HMCN1: variants seen among roughly 807,000 people sequenced by gnomAD.
HMCN1 encodes hemicentin 1, also known as hemicentin-1.
In HMCN1, 321 loss-of-function variants were observed where a neutral mutation model predicts 625.9. That is an observed-to-expected ratio of 0.51 (90% confidence interval 0.47 to 0.56). The LOEUF (loss-of-function observed/expected upper bound fraction) is 0.56, where lower values mean the gene tolerates loss of function less well. Ranked by LOEUF, HMCN1 falls within the 20% of genes least tolerant of loss-of-function variation. The pLI, the probability that HMCN1 is intolerant of heterozygous loss-of-function variation, is 0.00. For synonymous variants in HMCN1, 2,425 were observed against 2,417.6 expected (o/e 1.00, Z -0.09); for missense variants, 6,588 against 6,887.3 (o/e 0.96, Z 1.54).
chr1:185,780,091 T>C (rs1190831910), intron 1 of HMCN1, among the ~76,000 whole-genome samples: 1 of 152,198 alleles, frequency 6.6e-6, no homozygotes, highest in Non-Finnish European at 1.5e-5. Context: ...TCCTAGATAT[T>C]TTATTCTCTT....
At chr1:185,997,640 T>C (rs1652894058) in intron 25 of HMCN1, 116 bp downstream of exon 25, 1 of 764,282 alleles carries the variant, frequency 1.3e-6, no homozygotes, top group Admixed American at 1.9e-5. Context: ...GTAGAACATT[T>C]GAGCATAATA....
intron 43 of HMCN1, 53 bp downstream of exon 43, chr1:186,053,127 T>C (rs762283613): frequency 1.9e-5 from 29 of 1,487,596 alleles, no homozygotes; most frequent in Non-Finnish European, 2.7e-5. Flanking sequence ...AAGATGGATA[T>C]TGATTTCGTT....
At chr1:186,168,037 G>T (rs997952211) in intron 100 of HMCN1, among the ~76,000 whole-genome samples, 1 of 151,718 alleles carries the variant, frequency 6.6e-6, no homozygotes, top group African/African-American at 2.4e-5. Context: ...GCATCCATGA[G>T]AAAAATCCAG....
chr1:185,974,338 C>T (rs1352130624), intron 15 of HMCN1, among the ~76,000 whole-genome samples: 1 of 152,130 alleles, frequency 6.6e-6, no homozygotes, highest in East Asian at 1.9e-4. Context: ...GTTTATATCT[C>T]AGTGATTATT....
Position 186,076,437 on chromosome 1 carries a change from G to C in HMCN1, c.8300G>C (p.Ser2767Thr). The C allele has an allele frequency of 6.2e-7, 1 of 1,613,396 alleles. No homozygotes were observed. Among genetic ancestry groups the C allele is most frequent in the South Asian group, 1.1e-5 (1 of 91,076 alleles). The change falls in exon 54 of 107, where the codon AGT becomes ACT. Residue 2767 changes from serine (S) to threonine (T), a missense_variant. Ser to Thr is a moderately conservative substitution (Grantham distance 58). Coordinates refer to ENST00000271588, the MANE Select transcript of HMCN1 (RefSeq NM_031935.3). ...TGCCTTTCCTCCATAGTTCCTCCAA[G>C]TTTTCAGAAACTCTGGGAAATAGGA... ...DFDVNIQVPP[S>T]FQKLWEIGNM...
intron 2 of HMCN1, among the ~76,000 whole-genome samples, chr1:185,847,417 C>A (rs537856398): frequency 6.6e-6 from 1 of 152,184 alleles, no homozygotes; most frequent in East Asian, 1.9e-4. Context: ...CTTATTCACT[C>A]TCTTTTAACC....
chr1:185,783,967 G>T (rs1434712288), intron 1 of HMCN1, among the ~76,000 whole-genome samples: 1 of 152,236 alleles, frequency 6.6e-6, no homozygotes, highest in Non-Finnish European at 1.5e-5. Flanking sequence ...GAGGCAGGCA[G>T]CCTCCTTTAG....
At chr1:186,140,253 C>G (rs1320792948) in intron 89 of HMCN1, among the ~76,000 whole-genome samples, 1 of 152,166 alleles carries the variant, frequency 6.6e-6, no homozygotes, top group African/African-American at 2.4e-5. Flanking sequence ...AAGATCCGAT[C>G]CACGATCACA....
In HMCN1 at chr1:185,908,875, G is replaced by A. The variant is rs1245488690; in HGVS notation, c.622-462G>A. On this transcript the variant is annotated intron_variant, in intron 4 of 106. Coordinates refer to ENST00000271588, the MANE Select transcript of HMCN1 (RefSeq NM_031935.3). Reference sequence around the variant, plus strand: ...TATAGTATAATACAATAATTAATATGCCCCATTTACTGAAATTGGATTTGA... The same window carrying A: ...TATAGTATAATACAATAATTAATATACCCCATTTACTGAAATTGGATTTGA... Among the ~76,000 whole-genome samples the A allele has an allele frequency of 2.8e-4, 42 of 149,800 alleles. No individual in the cohort carries two copies. In the Admixed American group the frequency reaches 2.8e-3, roughly 10 times the overall value.
Position 186,172,002 on chromosome 1 carries a change from C to T in HMCN1, c.15689-4C>T. Reference sequence around the variant, plus strand: ...ATCTACATTACCTTTGTTCTTTTATCAAGATGTGAACGAGTGTAGACAAAA... The same window carrying T: ...ATCTACATTACCTTTGTTCTTTTATTAAGATGTGAACGAGTGTAGACAAAA... On this transcript the variant is annotated splice_region_variant and splice_polypyrimidine_tract_variant and intron_variant, in intron 101 of 106. Coordinates refer to ENST00000271588, the MANE Select transcript of HMCN1 (RefSeq NM_031935.3). The T allele has an allele frequency of 1.9e-6, 3 of 1,612,716 alleles. No homozygotes were observed. Among genetic ancestry groups the T allele is most frequent in the South Asian group, 2.2e-5 (2 of 90,978 alleles).
chr1:186,137,870 A>C lies in HMCN1; in HGVS notation c.13822A>C (p.Thr4608Pro). 6.2e-7 allele frequency: 1 copy of C among 1,614,096 alleles called. No homozygotes were observed. Among genetic ancestry groups the C allele is most frequent in the Non-Finnish European group, 8.5e-7 (1 of 1,179,974 alleles). Residue 4608 changes from threonine (T) to proline (P), a missense_variant, in exon 89 of 107, where the codon ACC (threonine) becomes CCC (proline). This residue lies in a region of HMCN1 where 1,954 missense variants were observed against 2,013.1 expected (regional missense o/e 0.97). Transcript: ENST00000271588. Reference sequence around the variant, plus strand: ...AAGGAGCTGTGGACGCGGCAACCAAACCAGGACCAGGACTTGCAATAATCC... The same window carrying C: ...AAGGAGCTGTGGACGCGGCAACCAACCCAGGACCAGGACTTGCAATAATCC... The part of the protein sequence containing the change: ...CTRSCGRGNQ[T>P]RTRTCNNPSV...
intron 4 of HMCN1, among the ~76,000 whole-genome samples, chr1:185,883,794 C>A (rs1056581143): frequency 1.3e-5 from 2 of 150,924 alleles, no homozygotes; most frequent in Admixed American, 6.6e-5. Context: ...ATTTGGATTC[C>A]CCTCATAATT....
rs770091181 is a variant in HMCN1 at position 186,117,557 on chromosome 1, A to G, written c.11782A>G (p.Ile3928Val). The G allele has an allele frequency of 2.5e-6, 4 of 1,613,894 alleles. No individual in the cohort carries two copies. The East Asian group carries it at 6.7e-5, about 27-fold the overall frequency. Residue 3928 changes from isoleucine to valine, a missense_variant, in exon 77 of 107, where the codon ATT becomes GTT. Physicochemically the swap from Ile to Val is conservative, Grantham distance 29. Transcript: ENST00000271588. ...CTASGVPFPS[I>V]HWTKNGIRLL... Reference sequence around the variant, plus strand: ...TGCTTCGGGAGTTCCATTTCCCTCAATTCACTGGACCAAAAATGGTATAAG... The same window carrying G: ...TGCTTCGGGAGTTCCATTTCCCTCAGTTCACTGGACCAAAAATGGTATAAG...
chr1:185,818,564 A>G (rs191077929), intron 1 of HMCN1, among the ~76,000 whole-genome samples: 2 of 152,164 alleles, frequency 1.3e-5, no homozygotes, highest in Non-Finnish European at 2.9e-5. Flanking sequence ...AATATAGTTA[A>G]TTCTTACCTT....
At chr1:186,054,842 G>T (rs1439422458) in intron 44 of HMCN1, among the ~76,000 whole-genome samples, 1 of 151,920 alleles carries the variant, frequency 6.6e-6, no homozygotes, top group African/African-American at 2.4e-5. Flanking sequence ...GAAAGGGCTG[G>T]TATCTTTCCC....
intron 30 of HMCN1, among the ~76,000 whole-genome samples, chr1:186,007,956 G>A (rs1046094199): frequency 6.6e-6 from 1 of 152,126 alleles, no homozygotes; most frequent in South Asian, 2.1e-4. Flanking sequence ...ACTATCTTCT[G>A]TCTTTCCATG....
At chr1:186,113,310 A>G (rs1188737364) in intron 72 of HMCN1, among the ~76,000 whole-genome samples, 1 of 152,356 alleles carries the variant, frequency 6.6e-6, no homozygotes, top group East Asian at 1.9e-4. Flanking sequence ...TTGAGAGTAC[A>G]TATGTGCCAA....
Position 186,063,096 on chromosome 1 carries a change from A to ATATATATATATATG in HMCN1, c.7513+503_7513+504insATATATGTATATAT, listed in dbSNP as rs1185102259. 3.7e-3 allele frequency among the ~76,000 whole-genome samples: 432 copies of ATATATATATATATG among 115,384 alleles called. 18 individuals carry two copies. Among genetic ancestry groups the ATATATATATATATG allele is most frequent in the African/African-American group, 0.015 (397 of 26,204 alleles). The allele number at this position is 115,384 out of a possible 152,430, so 75.7% of individuals were successfully genotyped here. The stretch of plus-strand genomic sequence containing the variant: ...TATATATATATATATATATATATAT[A>ATATATATATATATG]TATATATCACATTTTCATTACCCAA... On this transcript the variant is annotated intron_variant, in intron 48 of 106. Transcript: ENST00000271588.
intron 97 of HMCN1, 52 bp downstream of exon 97, chr1:186,154,039 TA>T (rs748323047): frequency 4.8e-6 from 7 of 1,471,778 alleles, no homozygotes; most frequent in African/African-American, 4.2e-5. Context: ...TCTAAAGGGT[TA>T]AAAAAATTCA....
Sources: allele counts gnomAD v4.1 joint callset (sites outside exome capture counted in the v4.1 genomes callset), GRCh38; gene constraint gnomAD v4.1.1; regional missense constraint gnomAD v4.1.1; transcripts MANE v1.5; gene names NCBI Gene and HGNC (gene_info 2026-07-23, HGNC 2026-07-21).